The following GALNTL6 variants were observed in gnomAD, a reference collection of about 807,000 sequenced individuals.
GALNTL6 encodes the protein polypeptide N-acetylgalactosaminyltransferase like 6, also known as polypeptide N-acetylgalactosaminyltransferase-like 6.
A neutral mutation model predicts 73.7 loss-of-function variants in GALNTL6; 46 were observed. The ratio of observed to expected loss-of-function variants is 0.62; its 90% confidence interval spans 0.49 to 0.80. GALNTL6 has a LOEUF of 0.80. Ranked by LOEUF, GALNTL6 falls within the 30% of genes least tolerant of loss-of-function variation. The pLI, the probability that GALNTL6 is intolerant of heterozygous loss-of-function variation, is 0.00. For synonymous variants in GALNTL6, 259 were observed against 263.7 expected (o/e 0.98, Z 0.17); for missense variants, 604 against 755.0 (o/e 0.80, Z 2.34).
At chr4:172,735,100 G>A (rs1736384097) in intron 5 of GALNTL6, among the ~76,000 whole-genome samples, 1 of 152,118 alleles carries the variant, frequency 6.6e-6, no homozygotes, top group South Asian at 2.1e-4. Context: ...GGAGCTATGA[G>A]AAGAAGGCCA....
intron 5 of GALNTL6, among the ~76,000 whole-genome samples, chr4:172,415,709 G>A (rs1057439502): frequency 1.3e-5 from 2 of 152,096 alleles, no homozygotes; most frequent in Non-Finnish European, 2.9e-5. Flanking sequence ...CCCTGAGTGA[G>A]CAATTCCTGT....
chr4:172,166,182 G>A (rs1734618114), intron 2 of GALNTL6, among the ~76,000 whole-genome samples: 1 of 152,086 alleles, frequency 6.6e-6, no homozygotes, highest in African/African-American at 2.4e-5. Flanking sequence ...TTTTTGTCCG[G>A]GCATGGAGGC....
intron 2 of GALNTL6, among the ~76,000 whole-genome samples, chr4:172,032,036 T>C (rs1223396499): frequency 6.6e-6 from 1 of 152,008 alleles, no homozygotes; most frequent in East Asian, 1.9e-4. Flanking sequence ...ATATCACCCA[T>C]AAAAAGTTTT....
At chr4:172,670,809 C>T (rs1445094265) in intron 5 of GALNTL6, among the ~76,000 whole-genome samples, 1 of 152,102 alleles carries the variant, frequency 6.6e-6, no homozygotes, top group Non-Finnish European at 1.5e-5. Context: ...TTTAATCCAT[C>T]TTGAGTTAAT....
intron 5 of GALNTL6, among the ~76,000 whole-genome samples, chr4:172,421,163 A>G (rs1454252005): frequency 6.6e-6 from 1 of 152,098 alleles, no homozygotes; most frequent in African/African-American, 2.4e-5. Context: ...TTAAAGTAAA[A>G]TAAAATAAAA....
At chr4:173,036,709 G>C (rs574929785) in intron 12 of GALNTL6, among the ~76,000 whole-genome samples, 2 of 152,196 alleles carry the variant, frequency 1.3e-5, no homozygotes, top group Non-Finnish European at 2.9e-5. Context: ...CAGAGCACAG[G>C]CCATGCCATC....
chr4:172,912,934 C>G (rs149667069), intron 8 of GALNTL6, among the ~76,000 whole-genome samples: 674 of 152,304 alleles, frequency 4.4e-3, no homozygotes, highest in Non-Finnish European at 7.2e-3. Flanking sequence ...GGCCTCTGAT[C>G]CCTGAGTAGC....
chr4:172,133,632 T>A (rs1023418496), intron 2 of GALNTL6, among the ~76,000 whole-genome samples: 1 of 152,204 alleles, frequency 6.6e-6, no homozygotes, highest in Non-Finnish European at 1.5e-5. Context: ...GGGGTTGAGA[T>A]AAGCAGTGGA....
intron 2 of GALNTL6, among the ~76,000 whole-genome samples, chr4:172,169,915 T>C (rs1259567086): frequency 6.6e-6 from 1 of 152,214 alleles, no homozygotes; most frequent in African/African-American, 2.4e-5. Context: ...GGCATTATAT[T>C]ATTTGGTCAT....
intron 2 of GALNTL6, among the ~76,000 whole-genome samples, chr4:172,144,602 T>G (rs1410624151): frequency 1.4e-4 from 22 of 152,212 alleles, no homozygotes; most frequent in Admixed American, 1.2e-3. Flanking sequence ...ATTGTGAAGT[T>G]CTATGAAGCT....
At chr4:171,823,688 A>T (rs1403436225) in intron 2 of GALNTL6, among the ~76,000 whole-genome samples, 1 of 151,630 alleles carries the variant, frequency 6.6e-6, no homozygotes, top group East Asian at 1.9e-4. Context: ...AAGACTGACG[A>T]CTATAATACT....
At chr4:172,782,733 C>G (rs1739436506) in intron 5 of GALNTL6, among the ~76,000 whole-genome samples, 1 of 152,054 alleles carries the variant, frequency 6.6e-6, no homozygotes, top group African/African-American at 2.4e-5. Context: ...GATTAGCCTT[C>G]ACACTAGTGC....
chr4:172,665,663 C>A (rs749470235), intron 5 of GALNTL6, among the ~76,000 whole-genome samples: 10 of 152,184 alleles, frequency 6.6e-5, no homozygotes, highest in Non-Finnish European at 1.5e-4. Flanking sequence ...TATATGCATT[C>A]ATACTTATAG....
chr4:172,751,729 T>C (rs1027205458), intron 5 of GALNTL6, among the ~76,000 whole-genome samples: 2 of 152,228 alleles, frequency 1.3e-5, no homozygotes, highest in Non-Finnish European at 2.9e-5. Context: ...GTGTTCTGTT[T>C]AATGCACTGT....
chr4:172,488,926 A>G (rs1733798712), intron 5 of GALNTL6, among the ~76,000 whole-genome samples: 1 of 152,152 alleles, frequency 6.6e-6, no homozygotes, highest in Admixed American at 6.5e-5. Context: ...GACATGATCT[A>G]GCAACACTGG....
intron 9 of GALNTL6, among the ~76,000 whole-genome samples, chr4:172,947,365 C>A (rs1749216170): frequency 6.6e-6 from 1 of 152,034 alleles, no homozygotes; most frequent in Non-Finnish European, 1.5e-5. Context: ...GTGTGAACAC[C>A]CCTGGGAATC....
chr4:172,606,107 C>T (rs1033340670), intron 5 of GALNTL6, among the ~76,000 whole-genome samples: 3 of 152,124 alleles, frequency 2.0e-5, no homozygotes, highest in Admixed American at 2.0e-4. Context: ...AGAATTCAGG[C>T]AATGAGACTG....
At chr4:172,849,359 A>C (rs1743689354) in intron 7 of GALNTL6, among the ~76,000 whole-genome samples, 1 of 152,176 alleles carries the variant, frequency 6.6e-6, no homozygotes, top group South Asian at 2.1e-4. Context: ...AGAAAGTGAA[A>C]AAATGTCTCA....
At chr4:172,225,309 A>G (rs913157119) in intron 2 of GALNTL6, among the ~76,000 whole-genome samples, 1 of 152,018 alleles carries the variant, frequency 6.6e-6, no homozygotes, top group Non-Finnish European at 1.5e-5. Flanking sequence ...GCTGAGATTG[A>G]TTTAGATTAG....
Sources: gnomAD v4.1 joint callset for allele counts (sites outside exome capture counted in the v4.1 genomes callset) on GRCh38, gnomAD v4.1.1 for gene constraint, MANE v1.5 for transcripts, NCBI Gene and HGNC (gene_info 2026-07-23, HGNC 2026-07-21) for gene names.